Variants in CYP4A11 observed in about 807,000 individuals in gnomAD.
CYP4A11 encodes cytochrome P450 4A11.
CYP4A11 carries 52 observed loss-of-function variants against 57.7 expected under a neutral mutation model. The observed-to-expected ratio is 0.90, with a 90% CI of 0.72 to 1.14. The LOEUF (loss-of-function observed/expected upper bound fraction) is 1.14. CYP4A11 is among the 50% of genes most tolerant of loss of function. CYP4A11 has a pLI of 0.00. For missense variants in CYP4A11, 641 were observed against 642.1 expected (o/e 1.00, Z 0.02); for synonymous variants, 228 against 247.1 (o/e 0.92, Z 0.72).
chr1:46,934,655 A>C, intron 6 of CYP4A11, 96 bp from the exon 7 acceptor site: 1 of 1,212,628 alleles, frequency 8.2e-7, no homozygotes, highest in Admixed American at 2.1e-5. Flanking sequence ...TGCCTGGTAG[A>C]TCTCAGCATG....
chr1:46,940,867 C>G lies in CYP4A11; in HGVS notation c.195+372G>C, dbSNP rs896261268. 1.3e-5 allele frequency: 13 copies of G among 985,238 alleles called. No homozygotes were observed. The South Asian group carries it at 3.8e-4, about 28-fold the overall frequency. 61.0% of individuals were successfully genotyped at this position (985,238 alleles called of 1,614,324 possible). A position where few individuals can be genotyped will look rare whatever the true frequency, so the allele number is the denominator to read the frequency against. ...GCTCCCTGGCAAACACAGGGCCAGG[C>G]AGAGTGATGGCATTGAGTGACTGGG... is the stretch of plus-strand genomic sequence containing the variant. On this transcript the variant is annotated intron_variant, in intron 1 of 11. Coordinates refer to ENST00000310638, the MANE Select transcript of CYP4A11 (RefSeq NM_000778.4).
chr1:46,939,191 A>T (rs745496496), intron 1 of CYP4A11, among the ~76,000 whole-genome samples: 52 of 152,350 alleles, frequency 3.4e-4, no homozygotes, highest in Admixed American at 1.0e-3. Context: ...CCACATAGGT[A>T]TCGAATATCT....
intron 3 of CYP4A11, 124 bp from the exon 4 acceptor site, chr1:46,936,915 A>C: frequency 6.9e-7 from 1 of 1,445,454 alleles, no homozygotes; most frequent in Non-Finnish European, 9.1e-7. Context: ...TCAAGGGGAG[A>C]ACTATCCAGA....
rs763524688 is a variant in CYP4A11 at position 46,936,787 on chromosome 1, G to A, written c.387C>T (p.Tyr129=). 4.7e-5 allele frequency: 75 copies of A among 1,607,994 alleles called. No homozygotes were observed. Among genetic ancestry groups the A allele is most frequent in the South Asian group, 7.8e-5 (7 of 90,240 alleles). ...TCTGCCCATTCAACAGGAGCAAGCC[G>A]TACCCTAAGAGAGACATGAATGTGT... is the stretch of plus-strand genomic sequence containing the variant. ...SYRFLAPWIG[Y]GLLLLNGQTW... The change falls in exon 4 of 12, where the codon TAC becomes TAT. Residue 129 remains tyrosine, a synonymous_variant. Coordinates refer to ENST00000310638, the MANE Select transcript of CYP4A11 (RefSeq NM_000778.4).
At chr1:46,933,455 G>C (rs1211759873) in intron 9 of CYP4A11, among the ~76,000 whole-genome samples, 1 of 152,178 alleles carries the variant, frequency 6.6e-6, no homozygotes, top group Non-Finnish European at 1.5e-5. Context: ...TCTTGTCTAT[G>C]TTCACACAAC....
Position 46,934,527 on chromosome 1 carries a change from G to A in CYP4A11, c.823C>T (p.Gln275Ter). The A allele has an allele frequency of 6.2e-7, 1 of 1,613,768 alleles. No homozygotes were observed. Among genetic ancestry groups the A allele is most frequent in the South Asian group, 1.1e-5 (1 of 91,058 alleles). Reference protein sequence around the residue: ...QVIQLRKAQLQKEGELEKIKR... With the variant: ...QVIQLRKAQL Reference sequence around the variant, plus strand: ...ATCTTCTCCAGCTCCCCCTCCTTCTGTAGTTGAGCCTTCCTCAGTTGGATC... The same window carrying A: ...ATCTTCTCCAGCTCCCCCTCCTTCTATAGTTGAGCCTTCCTCAGTTGGATC... Residue 275 changes from glutamine to a stop codon, truncating the protein, a stop_gained, in exon 7 of 12, where the codon CAG becomes TAG. Coordinates refer to ENST00000310638, the MANE Select transcript of CYP4A11 (RefSeq NM_000778.4). LOFTEE classifies it high-confidence loss of function.
chr1:46,938,581 TTTG>T (rs957717598), intron 1 of CYP4A11, among the ~76,000 whole-genome samples: 6 of 152,222 alleles, frequency 3.9e-5, no homozygotes, highest in South Asian at 2.1e-4. Flanking sequence ...ACGGTAAATA[TTTG>T]TTAAGATAAA....
chr1:46,930,325 G>T lies in CYP4A11; in HGVS notation c.1365-15C>A. 6.2e-7 allele frequency: 1 copy of T among 1,605,912 alleles called. No individual in the cohort carries two copies. The highest frequency in any genetic ancestry group is 1.1e-5 in the South Asian group (1 of 89,706). On this transcript the variant is annotated splice_polypyrimidine_tract_variant and intron_variant, in intron 11 of 11. Transcript: ENST00000310638. ...CGATGCAGTTCCTGGGCCAGGTGGA[G>T]ATAATGAATTGAGAAGTGTCCTCAG...
At position 46,934,629 on chromosome 1, in the gene CYP4A11, A is replaced by T. The variant is rs1557553086; in HGVS notation, c.791-70T>A. 24 of 1,448,582 alleles carry T rather than the reference A, an allele frequency of 1.7e-5. No homozygotes were observed. In the South Asian group the frequency reaches 3.0e-4, roughly 18 times the overall value. The allele number at this position is 1,448,582 out of a possible 1,614,324, so 89.7% of individuals were successfully genotyped here. ...AGCCCCCAGGAGGCCTAGCTGCCCA[A>T]CTGCCCCAGTGTGGGTGCCTGGTAG... is the stretch of plus-strand genomic sequence containing the variant. On this transcript the variant is annotated intron_variant, in intron 6 of 11. Transcript: ENST00000310638.
intron 1 of CYP4A11, among the ~76,000 whole-genome samples, chr1:46,939,151 C>G (rs1294993085): frequency 1.3e-5 from 2 of 152,240 alleles, no homozygotes; most frequent in South Asian, 2.1e-4. Flanking sequence ...TTTATTTCAA[C>G]TGCTTCTAGT....
intron 1 of CYP4A11, among the ~76,000 whole-genome samples, chr1:46,939,710 G>A (rs1231629201): frequency 2.6e-5 from 4 of 152,052 alleles, no homozygotes; most frequent in South Asian, 4.2e-4. Context: ...CTTCTTGAAG[G>A]AGGTAGCTTG....
In CYP4A11 at chr1:46,937,984, G is replaced by T. The variant is rs1681518101; in HGVS notation, c.337+12C>A. 1 of 1,613,760 alleles carries T rather than the reference G, an allele frequency of 6.2e-7. No homozygotes were observed. ...AAGACACATTGCAGTTGGGATGGGGGTTCGATCTCACCTGATCTCCCCAGA... is the reference window on the plus strand; with the variant it reads ...AAGACACATTGCAGTTGGGATGGGGTTTCGATCTCACCTGATCTCCCCAGA... On this transcript the variant is annotated intron_variant, in intron 2 of 11. Transcript: ENST00000310638.
rs547148024 is a variant in CYP4A11, at chr1:46,931,280, C to T, written c.1365-970G>A. Among the ~76,000 whole-genome samples, 200 of 152,282 alleles carry T rather than the reference C, an allele frequency of 1.3e-3. 2 individuals carry two copies. Among genetic ancestry groups the T allele is most frequent in the African/African-American group, 4.7e-3 (194 of 41,562 alleles). On this transcript the variant is annotated intron_variant, in intron 11 of 11. Coordinates refer to ENST00000310638, the MANE Select transcript of CYP4A11 (RefSeq NM_000778.4). The stretch of plus-strand genomic sequence containing the variant: ...AGCTGGGCCTCTCCCTCCCAGGCCC[C>T]CAGGTAGCATTCACGATTTATCCAT...
At position 46,930,094 on chromosome 1, in the gene CYP4A11, C is replaced by G; in HGVS notation, c.*21G>C. Reference sequence around the variant, plus strand: ...GGGACAGAAGCGGGGGTCAGGAAGACAGGACGGCAGGTGGAGGCCCTCAAA... The same window carrying G: ...GGGACAGAAGCGGGGGTCAGGAAGAGAGGACGGCAGGTGGAGGCCCTCAAA... On this transcript the variant is annotated 3_prime_UTR_variant, in exon 12 of 12. Transcript: ENST00000310638. The G allele has an allele frequency of 6.3e-7, 1 of 1,594,808 alleles. No individual in the cohort carries two copies. Among genetic ancestry groups the G allele is most frequent in the Non-Finnish European group, 8.6e-7 (1 of 1,168,636 alleles).
chr1:46,937,989 A>T lies in CYP4A11; in HGVS notation c.337+7T>A. ...ACATTGCAGTTGGGATGGGGGTTCG[A>T]TCTCACCTGATCTCCCCAGAATCAC... On this transcript the variant is annotated splice_region_variant and intron_variant, in intron 2 of 11. Transcript: ENST00000310638. 6.2e-7 allele frequency: 1 copy of T among 1,613,918 alleles called. No homozygotes were observed. Among genetic ancestry groups the T allele is most frequent in the South Asian group, 1.1e-5 (1 of 91,064 alleles).
chr1:46,930,386 C>T, intron 11 of CYP4A11, 76 bp from the exon 12 acceptor site: 1 of 1,512,978 alleles, frequency 6.6e-7, no homozygotes. Flanking sequence ...TGGCCCCTGA[C>T]CCCAGCCCTG....
Position 46,937,281 on chromosome 1 carries a change from A to T in CYP4A11, c.382+21T>A, listed in dbSNP as rs757294868. The stretch of plus-strand genomic sequence containing the variant: ...CAAACCTGACTAGGGAGTGGGCTGC[A>T]GTCCTAGTTTGCACACATACCAATC... On this transcript the variant is annotated intron_variant, in intron 3 of 11. Transcript: ENST00000310638. The T allele has an allele frequency of 5.5e-5, 89 of 1,613,046 alleles. 2 individuals carry two copies. In the South Asian group the frequency reaches 9.5e-4, roughly 17 times the overall value.
At chr1:46,936,940 G>A in intron 3 of CYP4A11, 149 bp from the exon 4 acceptor site, 1 of 1,409,850 alleles carries the variant, frequency 7.1e-7, no homozygotes, top group Non-Finnish European at 9.3e-7. Flanking sequence ...GCCACGTCAT[G>A]GGCAAATGCA....
rs1372135350 is a variant in CYP4A11, at chr1:46,930,986, CTTTATGG to C, written c.1365-683_1365-677del. ...CCCTTCCTCAGTATTCTTGCCTGGACTTTATGGTTTTCTGCTTCCCCTCCCAGCACAC... is the reference window on the plus strand; with the variant it reads ...CCCTTCCTCAGTATTCTTGCCTGGACTTTTCTGCTTCCCCTCCCAGCACAC... On this transcript the variant is annotated intron_variant, in intron 11 of 11. Transcript: ENST00000310638. Among the ~76,000 whole-genome samples the C allele has an allele frequency of 1.1e-4, 17 of 152,296 alleles. 1 individual carries two copies. In the South Asian group the frequency reaches 3.5e-3, roughly 32 times the overall value.
Sources: gnomAD v4.1 joint callset for allele counts (sites outside exome capture counted in the v4.1 genomes callset) on GRCh38, gnomAD v4.1.1 for gene constraint, MANE v1.5 for transcripts, NCBI Gene and HGNC (gene_info 2026-07-23, HGNC 2026-07-21) for gene names.